PDE9A: variants seen among roughly 807,000 people sequenced by gnomAD.
The protein encoded by PDE9A is phosphodiesterase 9A.
PDE9A carries 60 observed loss-of-function variants against 87.4 expected under a neutral mutation model. That is an observed-to-expected ratio of 0.69 (90% CI 0.56 to 0.85). PDE9A has a LOEUF of 0.85. PDE9A is among the 40% of genes least tolerant of loss of function. The pLI, the probability that PDE9A is intolerant of heterozygous loss-of-function variation, is 0.00. For missense variants in PDE9A, 665 were observed against 779.0 expected, an observed-to-expected ratio of 0.85 and a Z score of 1.74; for synonymous variants, 272 against 279.4, an observed-to-expected ratio of 0.97 and a Z score of 0.27.
rs1371962177 is a variant in PDE9A, at chr21:42,692,104, A to G, written c.218+4110A>G. 6.6e-6 allele frequency among the ~76,000 whole-genome samples: 1 copy of G among 152,170 alleles called. No individual in the cohort carries two copies. The highest frequency in any genetic ancestry group is 2.4e-5 in the African/African-American group (1 of 41,448). On this transcript the variant is annotated intron_variant, in intron 3 of 19. Coordinates refer to ENST00000291539, the MANE Select transcript of PDE9A (RefSeq NM_002606.3). This position sits in a 1 kb window ranked among gnomAD's most constrained non-coding sequence, Gnocchi z 4.3. ...TGGCCCCGCTGGACGGTCTTCTCTC[A>G]TAGGAAGGAAATTTCACCTTGCTCT...
At chr21:42,665,577 C>G (rs940159368) in intron 1 of PDE9A, among the ~76,000 whole-genome samples, 7 of 152,304 alleles carry the variant, frequency 4.6e-5, no homozygotes, top group African/African-American at 1.7e-4. Flanking sequence ...TGGTGGCCAC[C>G]CCCGACCTTG....
chr21:42,764,684 C>G (rs866330758), intron 14 of PDE9A, among the ~76,000 whole-genome samples: 3 of 152,236 alleles, frequency 2.0e-5, no homozygotes, highest in African/African-American at 7.2e-5. Flanking sequence ...CAAAATATGA[C>G]TCTCCTCTGG....
intron 10 of PDE9A, chr21:42,758,779 A>T: frequency 3.9e-6 from 2 of 516,628 alleles, no homozygotes; most frequent in Non-Finnish European, 7.0e-6. Flanking sequence ...GTGCTCTCAA[A>T]CCCCCACCCA....
At chr21:42,769,838 G>T (rs6586345) in intron 17 of PDE9A, among the ~76,000 whole-genome samples, 16 of 151,740 alleles carry the variant, frequency 1.1e-4, no homozygotes, top group Admixed American at 1.0e-3. Flanking sequence ...CGGCTGTCGT[G>T]GTGACCGCTG....
intron 4 of PDE9A, among the ~76,000 whole-genome samples, chr21:42,710,228 C>T (rs955924548): frequency 7.9e-5 from 12 of 151,826 alleles, no homozygotes; most frequent in Non-Finnish European, 1.3e-4. Context: ...GCCAACATGG[C>T]AAAACCCCAT....
chr21:42,714,356 G>C (rs1383774328), intron 4 of PDE9A, among the ~76,000 whole-genome samples: 3 of 152,190 alleles, frequency 2.0e-5, no homozygotes, highest in Admixed American at 2.0e-4. Context: ...CGTATCACAT[G>C]CAGGTTTGTT....
chr21:42,725,774 G>C (rs62213361), intron 4 of PDE9A, among the ~76,000 whole-genome samples: 18,403 of 152,172 alleles, frequency 0.12, 1,356 homozygotes, highest in East Asian at 0.33. Context: ...TTTGCATTTG[G>C]GACTACTACA....
chr21:42,736,548 T>A (rs753683074), intron 7 of PDE9A, among the ~76,000 whole-genome samples: 1 of 152,138 alleles, frequency 6.6e-6, no homozygotes, highest in Non-Finnish European at 1.5e-5. Flanking sequence ...CTGACCAAAA[T>A]TCCTGGCGCT....
chr21:42,661,977 C>A (rs1197839563), intron 1 of PDE9A, among the ~76,000 whole-genome samples: 1 of 152,156 alleles, frequency 6.6e-6, no homozygotes, highest in South Asian at 2.1e-4. Context: ...CATTTGTCTG[C>A]GCTTGAGCCC....
chr21:42,729,443 T>C (rs2051492121), intron 4 of PDE9A, among the ~76,000 whole-genome samples: 2 of 152,254 alleles, frequency 1.3e-5, no homozygotes, highest in Admixed American at 1.3e-4. Flanking sequence ...TACCTAGCTC[T>C]GTTTTGTTGA....
chr21:42,771,377 T>A (rs13051772), intron 18 of PDE9A, among the ~76,000 whole-genome samples: 1 of 152,304 alleles, frequency 6.6e-6, no homozygotes, highest in South Asian at 2.1e-4. Flanking sequence ...CACGCAGTCT[T>A]TCTACGGATT....
rs138955174 is a variant in PDE9A at position 42,751,906 on chromosome 21, C to T, written c.735+709C>T. The stretch of plus-strand genomic sequence containing the variant: ...GCATTACAGGTGCCCGTCACCATGC[C>T]CAGTTAATTTTTTTGTATTTTTTTA... On this transcript the variant is annotated intron_variant, in intron 9 of 19. Coordinates refer to ENST00000291539, the MANE Select transcript of PDE9A (RefSeq NM_002606.3). Among the ~76,000 whole-genome samples the T allele has an allele frequency of 2.2e-4, 33 of 152,180 alleles. 1 individual carries two copies. In the East Asian group the frequency reaches 6.4e-3, roughly 29 times the overall value.
intron 4 of PDE9A, among the ~76,000 whole-genome samples, chr21:42,714,017 T>TA: frequency 5.3e-5 from 1 of 18,864 alleles, no homozygotes; most frequent in Non-Finnish European, 8.6e-5. Context: ...TTCATTCCAA[T>TA]TTTTTTTTTT....
chr21:42,653,758 G>A lies in PDE9A; in HGVS notation c.-57G>A. ...CCTGCTCCCCTCCCCCGCCTCCCGC[G>A]GCGGCTGGCGTCGGGAAAGTACAGT... On this transcript the variant is annotated 5_prime_UTR_variant, in exon 1 of 20. Transcript: ENST00000291539. 2 of 709,880 alleles carry A rather than the reference G, an allele frequency of 2.8e-6. No homozygotes were observed. The highest frequency in any genetic ancestry group is 4.1e-6 in the Non-Finnish European group (2 of 489,512). The allele number at this position is 709,880 out of a possible 1,614,324, so 44.0% of individuals were successfully genotyped here.
Position 42,702,147 on chromosome 21 carries a change from C to A in PDE9A, c.262+3136C>A, listed in dbSNP as rs2048434690. On this transcript the variant is annotated intron_variant, in intron 4 of 19. Coordinates refer to ENST00000291539, the MANE Select transcript of PDE9A (RefSeq NM_002606.3). This position sits in a 1 kb window ranked among gnomAD's most constrained non-coding sequence, Gnocchi z 4.9. Reference sequence around the variant, plus strand: ...GTCCCCTGACTCACTCACACTGTTTCTTTCTTTCCAGACCTTTTTTTCTGT... The same window carrying A: ...GTCCCCTGACTCACTCACACTGTTTATTTCTTTCCAGACCTTTTTTTCTGT... Among the ~76,000 whole-genome samples, 1 of 152,092 alleles carries A rather than the reference C, an allele frequency of 6.6e-6. No individual in the cohort carries two copies. Among genetic ancestry groups the A allele is most frequent in the African/African-American group, 2.4e-5 (1 of 41,412 alleles).
chr21:42,689,819 G>A, intron 3 of PDE9A: 1 of 985,420 alleles, frequency 1.0e-6, no homozygotes, highest in Non-Finnish European at 1.2e-6. Flanking sequence ...GACAGATGAG[G>A]TACCATGATA....
intron 4 of PDE9A, among the ~76,000 whole-genome samples, chr21:42,714,411 T>C (rs1250287468): frequency 6.6e-6 from 1 of 152,220 alleles, no homozygotes; most frequent in Non-Finnish European, 1.5e-5. Flanking sequence ...CCCCAAGTCT[T>C]TGTTGATATG....
At chr21:42,711,716 T>G (rs1240739554) in intron 4 of PDE9A, among the ~76,000 whole-genome samples, 1 of 152,230 alleles carries the variant, frequency 6.6e-6, no homozygotes, top group Non-Finnish European at 1.5e-5. Flanking sequence ...TAATCTGTCA[T>G]TCATTTCAAG....
At chr21:42,686,417 G>A (rs1395319666) in intron 2 of PDE9A, among the ~76,000 whole-genome samples, 155 bp downstream of exon 2, 1 of 152,252 alleles carries the variant, frequency 6.6e-6, no homozygotes, top group Non-Finnish European at 1.5e-5. Context: ...GAATCCCGAG[G>A]GAGGCTCAGC....
Sources: gnomAD v4.1 joint callset for allele counts (sites outside exome capture counted in the v4.1 genomes callset) on GRCh38, gnomAD v4.1.1 for gene constraint, Gnocchi (gnomAD v3.1) non-coding constraint, MANE v1.5 for transcripts, NCBI Gene and HGNC (gene_info 2026-07-23, HGNC 2026-07-21) for gene names.